The following CADM2 variants were observed in gnomAD, a reference collection of about 807,000 sequenced individuals.
CADM2 encodes the protein immunoglobulin superfamily member 4D.
In CADM2, 12 loss-of-function variants were observed where a neutral mutation model predicts 49.8. The ratio of observed to expected loss-of-function variants is 0.24; its 90% CI spans 0.15 to 0.39. The LOEUF is 0.39. CADM2 is among the 10% of genes least tolerant of loss of function. The pLI is 1.00. For synonymous variants in CADM2, 214 were observed against 175.4 expected (o/e 1.22, Z -1.74); for missense variants, 378 against 492.3 (o/e 0.77, Z 2.20).
intron 6 of CADM2, among the ~76,000 whole-genome samples, chr3:85,914,370 A>C (rs991728743): frequency 2.0e-5 from 3 of 152,132 alleles, no homozygotes. Flanking sequence ...ACTTAAGTCA[A>C]GTTCATGGCA....
intron 1 of CADM2, among the ~76,000 whole-genome samples, chr3:85,471,778 A>C (rs2038779456): frequency 6.6e-6 from 1 of 150,742 alleles, no homozygotes; most frequent in African/African-American, 2.4e-5. Context: ...GACAGAGACA[A>C]AATATCACTG....
intron 7 of CADM2, among the ~76,000 whole-genome samples, chr3:85,943,380 T>C (rs965084068): frequency 6.9e-6 from 1 of 144,692 alleles, no homozygotes; most frequent in Non-Finnish European, 1.5e-5. Context: ...TTGCCATTGC[T>C]TTTGGTGTTT....
chr3:85,152,984 A>C (rs1173084236), intron 1 of CADM2, among the ~76,000 whole-genome samples: 2 of 152,048 alleles, frequency 1.3e-5, no homozygotes, highest in Non-Finnish European at 2.9e-5. Flanking sequence ...AAAAATGTAA[A>C]AAAAAAATCT....
At chr3:85,519,180 G>T (rs188880577) in intron 1 of CADM2, among the ~76,000 whole-genome samples, 3 of 151,900 alleles carry the variant, frequency 2.0e-5, no homozygotes, top group Non-Finnish European at 4.4e-5. Flanking sequence ...CCACATTCTC[G>T]CTTGTTTGGA....
intron 1 of CADM2, among the ~76,000 whole-genome samples, chr3:85,102,974 C>G (rs575991045): frequency 6.6e-6 from 1 of 152,190 alleles, no homozygotes; most frequent in East Asian, 1.9e-4. Context: ...TATATAAATA[C>G]AGCATACGGC....
intron 1 of CADM2, among the ~76,000 whole-genome samples, chr3:85,700,772 G>T (rs2107707253): frequency 6.6e-6 from 1 of 152,182 alleles, no homozygotes; most frequent in East Asian, 1.9e-4. Context: ...AGACTTTATT[G>T]TCCATATCAC....
chr3:85,035,956 C>T (rs1341129904), intron 1 of CADM2, among the ~76,000 whole-genome samples: 3 of 152,110 alleles, frequency 2.0e-5, no homozygotes, highest in Non-Finnish European at 4.4e-5. Flanking sequence ...TTTTATCTGC[C>T]TGTAACATAG....
intron 1 of CADM2, among the ~76,000 whole-genome samples, chr3:85,459,766 CG>C (rs921411703): frequency 5.3e-5 from 8 of 152,190 alleles, no homozygotes; most frequent in Admixed American, 5.2e-4. Context: ...CCTTTTGAAG[CG>C]AGACTAAAAA....
At chr3:85,456,601 C>G (rs578020758) in intron 1 of CADM2, among the ~76,000 whole-genome samples, 216 of 151,886 alleles carry the variant, frequency 1.4e-3, no homozygotes, top group African/African-American at 5.2e-3. Context: ...TCATCTACTT[C>G]TCTTGAACCT....
intron 1 of CADM2, among the ~76,000 whole-genome samples, chr3:85,672,346 C>T (rs188101301): frequency 5.3e-5 from 8 of 151,972 alleles, no homozygotes; most frequent in Admixed American, 3.3e-4. Context: ...GTGCCCGCCA[C>T]CACGCCTGAC....
At chr3:86,056,756 A>C (rs1738039420) in intron 8 of CADM2, among the ~76,000 whole-genome samples, 1 of 152,218 alleles carries the variant, frequency 6.6e-6, no homozygotes, top group African/African-American at 2.4e-5. Context: ...AACCAAACTA[A>C]AACAAAGAAA....
intron 1 of CADM2, among the ~76,000 whole-genome samples, chr3:85,174,992 A>C (rs149022476): frequency 1.3e-3 from 193 of 152,318 alleles, no homozygotes; most frequent in African/African-American, 4.4e-3. Flanking sequence ...TTTGAAGAAG[A>C]TATACAAATG....
intron 1 of CADM2, among the ~76,000 whole-genome samples, chr3:85,503,729 AGCT>A (rs1243552760): frequency 3.3e-5 from 5 of 152,232 alleles, no homozygotes; most frequent in Admixed American, 2.0e-4. Flanking sequence ...AGGAAGATCC[AGCT>A]ATAAAACTAT....
At chr3:85,658,680 A>G (rs988713961) in intron 1 of CADM2, among the ~76,000 whole-genome samples, 4 of 146,764 alleles carry the variant, frequency 2.7e-5, no homozygotes, top group Non-Finnish European at 4.5e-5. Flanking sequence ...TGAAATTTCC[A>G]GTAAAAAATG....
At chr3:86,006,524 A>G (rs1359608136) in intron 8 of CADM2, among the ~76,000 whole-genome samples, 2 of 152,138 alleles carry the variant, frequency 1.3e-5, no homozygotes, top group South Asian at 4.1e-4. Context: ...AAAGAAGATG[A>G]GACTTTGAAA....
intron 7 of CADM2, among the ~76,000 whole-genome samples, chr3:85,953,319 C>T (rs990759198): frequency 6.6e-6 from 1 of 150,722 alleles, no homozygotes; most frequent in African/African-American, 2.4e-5. Context: ...TGCTTTTAAC[C>T]TTATCTTTTC....
chr3:85,639,782 C>T (rs1460763325), intron 1 of CADM2, among the ~76,000 whole-genome samples: 3 of 151,904 alleles, frequency 2.0e-5, no homozygotes, highest in Non-Finnish European at 2.9e-5. Flanking sequence ...ACTATCAGAG[C>T]CCTGAATCAC....
At chr3:84,975,021 C>G (rs922447057) in intron 1 of CADM2, among the ~76,000 whole-genome samples, 7 of 151,680 alleles carry the variant, frequency 4.6e-5, no homozygotes, top group African/African-American at 1.7e-4. Flanking sequence ...TTACTAATTG[C>G]ATTAAGTTTT....
chr3:86,049,431 C>T (rs571402468), intron 8 of CADM2, among the ~76,000 whole-genome samples: 8 of 151,838 alleles, frequency 5.3e-5, no homozygotes, highest in South Asian at 2.1e-4. Context: ...CCCGCCACCA[C>T]GCCCGGCTAA....
Sources: allele counts gnomAD v4.1 joint callset (sites outside exome capture counted in the v4.1 genomes callset), GRCh38; gene constraint gnomAD v4.1.1; transcripts MANE v1.5; gene names NCBI Gene and HGNC (gene_info 2026-07-23, HGNC 2026-07-21).